PLXDC2: variants seen among roughly 807,000 people sequenced by gnomAD.
PLXDC2 encodes the protein plexin domain containing 2.
A neutral mutation model predicts 68.9 loss-of-function variants in PLXDC2; 40 were observed. That is an observed-to-expected ratio of 0.58 (90% CI 0.45 to 0.76). PLXDC2 has a LOEUF of 0.76. Among genes scored for constraint, PLXDC2 ranks in the 30% least tolerant of loss-of-function variants. The probability of loss-of-function intolerance (pLI) is 0.00; values close to 1 mark genes in which losing one functional copy is unlikely to be tolerated. For synonymous variants in PLXDC2, 243 were observed against 234.2 expected, an observed-to-expected ratio of 1.04 and a Z score of -0.34; for missense variants, 644 against 661.9, an observed-to-expected ratio of 0.97 and a Z score of 0.30.
intron 1 of PLXDC2, among the ~76,000 whole-genome samples, chr10:19,974,862 C>G (rs1834421212): frequency 1.3e-5 from 2 of 152,164 alleles, no homozygotes; most frequent in African/African-American, 2.4e-5. Context: ...CAATGAAACA[C>G]TCTGGTCTTG....
At position 20,245,389 on chromosome 10, in the gene PLXDC2, C is replaced by A; in HGVS notation, c.1357C>A (p.His453Asn). The A allele has an allele frequency of 6.2e-7, 1 of 1,613,932 alleles. No individual in the cohort carries two copies. The highest frequency in any genetic ancestry group is 1.1e-5 in the South Asian group (1 of 91,038). ...SAAEKKGGTL[H>N]AGLIIGILIL... is the part of the protein sequence containing the mutation. ...AGCTGAGAAGAAAGGGGGAACCCTC[C>A]ACGCTGGCCTCATCATTGGAATCCT... Residue 453 changes from histidine to asparagine, a missense_variant, in exon 13 of 14, where the codon CAC (histidine) becomes AAC (asparagine). Physicochemically the swap from His to Asn is moderately conservative, Grantham distance 68 (BLOSUM62 1). Transcript: ENST00000377252.
At chr10:20,106,476 G>A (rs548721716) in intron 4 of PLXDC2, among the ~76,000 whole-genome samples, 28 of 152,284 alleles carry the variant, frequency 1.8e-4, no homozygotes, top group African/African-American at 5.8e-4. Context: ...AATCTGGCCT[G>A]TGATATCCCT....
Position 20,012,334 on chromosome 10 carries a change from TGGAG to T in PLXDC2, c.324+10349_324+10352del, listed in dbSNP as rs1564656413. Among the ~76,000 whole-genome samples the T allele has an allele frequency of 7.9e-5, 3 of 37,736 alleles. No individual in the cohort carries two copies. The East Asian group carries it at 6.0e-3, about 75-fold the overall frequency. The allele number at this position is 37,736 out of a possible 152,430, so 24.8% of individuals were successfully genotyped here. On this transcript the variant is annotated intron_variant, in intron 2 of 13. Transcript: ENST00000377252. ...TATTTTTTTTTTTTTTTTTTTTTTT[TGGAG>T]AAGGAGACTTGCTGTGTTTCCCAGG... is the stretch of plus-strand genomic sequence containing the variant.
intron 1 of PLXDC2, among the ~76,000 whole-genome samples, chr10:19,842,361 G>T (rs1177852513): frequency 6.6e-6 from 1 of 152,078 alleles, no homozygotes; most frequent in South Asian, 2.1e-4. Context: ...ATGCGTTGAG[G>T]CATATAATAC....
chr10:19,897,287 T>C (rs1315411880), intron 1 of PLXDC2, among the ~76,000 whole-genome samples: 3 of 151,612 alleles, frequency 2.0e-5, no homozygotes, highest in Non-Finnish European at 2.9e-5. Context: ...TCGCCCAGGC[T>C]GGAGTGTAAT....
At chr10:20,199,268 C>T (rs906831356) in intron 9 of PLXDC2, among the ~76,000 whole-genome samples, 4 of 151,872 alleles carry the variant, frequency 2.6e-5, no homozygotes, top group African/African-American at 9.7e-5. Context: ...ACAGAGGTTA[C>T]TTACTACATG....
In PLXDC2 at chr10:20,023,821, A is replaced by G. The variant is rs140850351; in HGVS notation, c.324+21835A>G. Among the ~76,000 whole-genome samples the G allele has an allele frequency of 4.9e-4, 75 of 152,302 alleles. No individual in the cohort carries two copies. The East Asian group carries it at 0.013, about 26-fold the overall frequency. ...ATTTGATTACTTAATATATTTCTCA[A>G]TTTGTATCTGCTGCATTTAAGATGG... On this transcript the variant is annotated intron_variant, in intron 2 of 13. Coordinates refer to ENST00000377252, the MANE Select transcript of PLXDC2 (RefSeq NM_032812.9).
intron 4 of PLXDC2, among the ~76,000 whole-genome samples, chr10:20,117,280 A>G (rs966879006): frequency 6.6e-6 from 1 of 152,260 alleles, no homozygotes; most frequent in Non-Finnish European, 1.5e-5. Flanking sequence ...ACATAAATAA[A>G]TAATGACAAA....
chr10:19,981,751 A>G (rs1031678860), intron 1 of PLXDC2, among the ~76,000 whole-genome samples: 3 of 152,212 alleles, frequency 2.0e-5, no homozygotes, highest in Non-Finnish European at 2.9e-5. Flanking sequence ...TTATCGATCA[A>G]TATAAACACA....
intron 13 of PLXDC2, among the ~76,000 whole-genome samples, chr10:20,252,377 TA>T (rs1393523366): frequency 6.6e-6 from 1 of 152,242 alleles, no homozygotes; most frequent in African/African-American, 2.4e-5. Flanking sequence ...GTATCTTGGA[TA>T]TGCTGGATTA....
chr10:19,831,897 T>C (rs1836700175), intron 1 of PLXDC2, among the ~76,000 whole-genome samples: 1 of 152,314 alleles, frequency 6.6e-6, no homozygotes, highest in Middle Eastern at 3.4e-3. Context: ...TCTGCATGCA[T>C]GTGTCTTTAT....
At chr10:20,252,661 T>A (rs1003413362) in intron 13 of PLXDC2, among the ~76,000 whole-genome samples, 1 of 152,212 alleles carries the variant, frequency 6.6e-6, no homozygotes, top group Admixed American at 6.5e-5. Context: ...ATGTGTTTAA[T>A]ATTTGTTGAG....
intron 4 of PLXDC2, among the ~76,000 whole-genome samples, chr10:20,142,343 G>A (rs1217255634): frequency 6.6e-6 from 1 of 152,024 alleles, no homozygotes; most frequent in African/African-American, 2.4e-5. Context: ...TTATTTGTGT[G>A]TGTGCATTTG....
chr10:20,226,040 A>G (rs1341541856), intron 12 of PLXDC2, among the ~76,000 whole-genome samples: 1 of 152,218 alleles, frequency 6.6e-6, no homozygotes, highest in Admixed American at 6.5e-5. Flanking sequence ...TTGGAGTATC[A>G]AGAGTTGAAT....
chr10:20,229,517 CAAAA>C (rs58386547), intron 12 of PLXDC2, among the ~76,000 whole-genome samples: 19 of 105,634 alleles, frequency 1.8e-4, no homozygotes, highest in Non-Finnish European at 2.0e-4. Flanking sequence ...CCACTTTAAG[CAAAA>C]AAAAAAAAAA....
intron 4 of PLXDC2, among the ~76,000 whole-genome samples, chr10:20,112,871 C>G (rs1427833381): frequency 6.6e-6 from 1 of 152,116 alleles, no homozygotes; most frequent in Admixed American, 6.5e-5. Context: ...ATGCTTTTAT[C>G]AAATAAGCTC....
At position 20,217,595 on chromosome 10, in the gene PLXDC2, G is replaced by A. The variant is rs1234126495; in HGVS notation, c.1273+19G>A. ...ACAGAAGGTACCCAAGAGATAGTTTGCTTTTTTTTTTTTTTTTTTTTTTTT... is the reference window on the plus strand; with the variant it reads ...ACAGAAGGTACCCAAGAGATAGTTTACTTTTTTTTTTTTTTTTTTTTTTTT... On this transcript the variant is annotated intron_variant, in intron 11 of 13. Transcript: ENST00000377252. The A allele has an allele frequency of 7.6e-6, 2 of 262,564 alleles. No individual in the cohort carries two copies. Among genetic ancestry groups the A allele is most frequent in the South Asian group, 8.1e-5 (1 of 12,404 alleles). 16.3% of individuals were successfully genotyped at this position (262,564 alleles called of 1,614,324 possible). A position where few individuals can be genotyped will look rare whatever the true frequency, so the allele number is the denominator to read the frequency against.
chr10:19,854,919 G>T (rs1383421238), intron 1 of PLXDC2, among the ~76,000 whole-genome samples: 1 of 152,240 alleles, frequency 6.6e-6, no homozygotes, highest in Non-Finnish European at 1.5e-5. Flanking sequence ...CATGTGTACA[G>T]TTGTTAGAAT....
chr10:20,125,371 T>C (rs1183650908), intron 4 of PLXDC2, among the ~76,000 whole-genome samples: 1 of 152,102 alleles, frequency 6.6e-6, no homozygotes, highest in East Asian at 1.9e-4. Context: ...AATTGGATGG[T>C]GTATTTGAAG....
Sources: gnomAD v4.1 joint callset for allele counts (sites outside exome capture counted in the v4.1 genomes callset) on GRCh38, gnomAD v4.1.1 for gene constraint, MANE v1.5 for transcripts, NCBI Gene and HGNC (gene_info 2026-07-23, HGNC 2026-07-21) for gene names.